TMEM233: variants seen among roughly 807,000 people sequenced by gnomAD.
TMEM233 encodes dispanin subfamily B member 2.
A neutral mutation model predicts 11.2 loss-of-function variants in TMEM233; 6 were observed. That is an observed-to-expected ratio of 0.54 (90% CI 0.29 to 1.06). TMEM233 has a LOEUF of 1.06. TMEM233 is among the 50% of genes least tolerant of loss of function. TMEM233 has a pLI of 0.08. For synonymous variants in TMEM233, 59 were observed against 55.8 expected (o/e 1.06, Z -0.26); for missense variants, 127 against 144.7 (o/e 0.88, Z 0.63).
At chr12:119,600,651 C>G (rs779733104) in intron 1 of TMEM233, among the ~76,000 whole-genome samples, 9 of 152,116 alleles carry the variant, frequency 5.9e-5, no homozygotes, top group Non-Finnish European at 1.2e-4. Context: ...CTGGATGAAC[C>G]TTGAAAATAC....
chr12:119,599,023 A>G (rs1954102793), intron 1 of TMEM233, among the ~76,000 whole-genome samples: 2 of 152,228 alleles, frequency 1.3e-5, no homozygotes, highest in African/African-American at 4.8e-5. Flanking sequence ...AGCAAATTTG[A>G]TAAGAATAAA....
intron 2 of TMEM233, chr12:119,631,102 G>A (rs991483639): frequency 1.3e-5 from 2 of 152,228 alleles, no homozygotes; most frequent in African/African-American, 2.4e-5. Context: ...ACCCAGAAAT[G>A]ACAAGTCCAG....
At chr12:119,602,564 C>G (rs1379511963) in intron 1 of TMEM233, among the ~76,000 whole-genome samples, 1 of 152,194 alleles carries the variant, frequency 6.6e-6, no homozygotes, top group African/African-American at 2.4e-5. Flanking sequence ...TCCAGATACC[C>G]ATAGATTTTG....
intron 1 of TMEM233, among the ~76,000 whole-genome samples, chr12:119,628,931 G>A (rs1019744408): frequency 3.9e-5 from 6 of 152,360 alleles, no homozygotes; most frequent in Non-Finnish European, 8.8e-5. Flanking sequence ...ACAAATGAGT[G>A]TGACTATGTT....
At position 119,641,628 on chromosome 12, in the gene TMEM233, G is replaced by A. The variant is rs1955084732; in HGVS notation, c.*923G>A. On this transcript the variant is annotated 3_prime_UTR_variant, in exon 3 of 3. Transcript: ENST00000426426. ...TGTCAAATGTAAACCCTTTAGATGT[G>A]AATGTACTGGTTTAATGATGCCATT... The A allele has an allele frequency of 6.6e-6, 1 of 152,128 alleles. No individual in the cohort carries two copies. Among genetic ancestry groups the A allele is most frequent in the Non-Finnish European group, 1.5e-5 (1 of 68,036 alleles). The allele number at this position is 152,128 out of a possible 1,614,324, so 9.4% of individuals were successfully genotyped here.
chr12:119,628,218 G>A (rs1954802492), intron 1 of TMEM233, among the ~76,000 whole-genome samples: 1 of 152,008 alleles, frequency 6.6e-6, no homozygotes, highest in Non-Finnish European at 1.5e-5. Flanking sequence ...GAGTGCAATG[G>A]CAAAAATCTC....
intron 1 of TMEM233, among the ~76,000 whole-genome samples, chr12:119,620,601 T>C (rs1196748698): frequency 6.6e-6 from 1 of 152,220 alleles, no homozygotes. Context: ...ACAATGTTTA[T>C]AGAACTCACA....
At chr12:119,620,120 G>C (rs1288499446) in intron 1 of TMEM233, among the ~76,000 whole-genome samples, 2 of 152,194 alleles carry the variant, frequency 1.3e-5, no homozygotes, top group African/African-American at 4.8e-5. Context: ...AGATAAGCTG[G>C]AGGTGAAAAG....
intron 1 of TMEM233, among the ~76,000 whole-genome samples, chr12:119,597,026 T>C (rs2136666438): frequency 6.6e-6 from 1 of 152,346 alleles, no homozygotes; most frequent in African/African-American, 2.4e-5. Context: ...TCCTACACCC[T>C]TCCTGTTGCA....
At position 119,640,745 on chromosome 12, in the gene TMEM233, C is replaced by T; in HGVS notation, c.*40C>T. The T allele has an allele frequency of 1.9e-6, 3 of 1,550,190 alleles. No homozygotes were observed. The highest frequency in any genetic ancestry group is 8.7e-7 in the Non-Finnish European group (1 of 1,146,584). ...GTGGGCTGTGAGCGTGGAGGATGGA[C>T]CTCATCCACACACACCCCAAAGGAG... On this transcript the variant is annotated 3_prime_UTR_variant, in exon 3 of 3. Transcript: ENST00000426426.
At chr12:119,625,367 C>CTTCTTTTTTTTTTTTTTTTTTTTTTT (rs71072545) in intron 1 of TMEM233, among the ~76,000 whole-genome samples, 1 of 145,594 alleles carries the variant, frequency 6.9e-6, no homozygotes, top group Non-Finnish European at 1.5e-5. Flanking sequence ...ATAACTTCTT[C>CTTCTTTTTTTTTTTTTTTTTTTTTTT]TTTTTTTTTT....
At chr12:119,649,215 C>G in the TMEM233 span, among the ~76,000 whole-genome samples, 1 of 151,984 alleles carries the variant, frequency 6.6e-6, no homozygotes, top group Non-Finnish European at 1.5e-5. Context: ...GGAGAATCTC[C>G]TGAACCCAGG....
At chr12:119,649,854 TAAAA>T in the TMEM233 span, among the ~76,000 whole-genome samples, 33 of 91,316 alleles carry the variant, frequency 3.6e-4, no homozygotes, top group African/African-American at 1.4e-3. Flanking sequence ...GTTTAACTAT[TAAAA>T]AAAAAAAAAA....
At chr12:119,628,649 G>A (rs1025253267) in intron 1 of TMEM233, among the ~76,000 whole-genome samples, 3 of 151,806 alleles carry the variant, frequency 2.0e-5, no homozygotes, top group Middle Eastern at 3.2e-3. Context: ...ATAGGCGCCC[G>A]CCACCACGCC....
At chr12:119,653,106 T>C in the TMEM233 span, among the ~76,000 whole-genome samples, 1 of 152,068 alleles carries the variant, frequency 6.6e-6, no homozygotes. Context: ...AATTTTAAAA[T>C]CACTGGGCCG....
chr12:119,622,342 A>G (rs1274190353), intron 1 of TMEM233, among the ~76,000 whole-genome samples: 2 of 152,178 alleles, frequency 1.3e-5, no homozygotes, highest in African/African-American at 2.4e-5. Flanking sequence ...ATAGCATCCA[A>G]ATGTTTTACA....
chr12:119,605,540 C>A (rs1169751898), intron 1 of TMEM233, among the ~76,000 whole-genome samples: 1 of 150,612 alleles, frequency 6.6e-6, no homozygotes, highest in Non-Finnish European at 1.5e-5. Context: ...TCGATCCTCC[C>A]AGTTCAGCCT....
chr12:119,630,347 G>A (rs528340017), intron 2 of TMEM233, among the ~76,000 whole-genome samples: 1 of 152,294 alleles, frequency 6.6e-6, no homozygotes, highest in East Asian at 1.9e-4. Context: ...GTCATGCAGG[G>A]TCCCACGCTA....
In TMEM233 at chr12:119,595,155, G is replaced by T. The variant is rs1593269966; in HGVS notation, c.186+1121G>T. ...CCAGGAGGGCGACGAGCGCCTGCTA[G>T]GCCCTCGCCTTATTGACTGCAGCAG... On this transcript the variant is annotated intron_variant, in intron 1 of 2. Transcript: ENST00000426426. This position sits in a 1 kb window ranked among gnomAD's most constrained non-coding sequence, Gnocchi z 4.3. 1.3e-5 allele frequency among the ~76,000 whole-genome samples: 2 copies of T among 152,344 alleles called. No individual in the cohort carries two copies. Among genetic ancestry groups the T allele is most frequent in the African/African-American group, 4.8e-5 (2 of 41,582 alleles).
Sources: gnomAD v4.1 joint callset for allele counts (sites outside exome capture counted in the v4.1 genomes callset) on GRCh38, gnomAD v4.1.1 for gene constraint, Gnocchi (gnomAD v3.1) non-coding constraint, MANE v1.5 for transcripts, NCBI Gene and HGNC (gene_info 2026-07-23, HGNC 2026-07-21) for gene names.